Variants in SPATA22 observed in about 807,000 individuals in gnomAD.
SPATA22 encodes the protein spermatogenesis associated 22, also known as spermatogenesis-associated protein 22.
In SPATA22, 29 loss-of-function variants were observed where a neutral mutation model predicts 47.8. The ratio of observed to expected loss-of-function variants is 0.61; its 90% CI spans 0.45 to 0.83. SPATA22 has a LOEUF of 0.83. Ranked by LOEUF, SPATA22 falls within the 40% of genes least tolerant of loss-of-function variation. SPATA22 has a pLI of 0.00. For missense variants in SPATA22, 410 were observed against 421.7 expected (o/e 0.97, Z 0.24); for synonymous variants, 133 against 140.9 (o/e 0.94, Z 0.40).
At chr17:3,465,244 C>T (rs1272184219) in intron 3 of SPATA22, among the ~76,000 whole-genome samples, 2 of 143,614 alleles carry the variant, frequency 1.4e-5, no homozygotes, top group Admixed American at 6.8e-5. Flanking sequence ...AGTGAGGAGC[C>T]CCTCTGCCCG....
chr17:3,509,284 C>T (rs1597458143), intron 1 of SPATA22, among the ~76,000 whole-genome samples: 1 of 151,906 alleles, frequency 6.6e-6, no homozygotes, highest in East Asian at 1.9e-4. Flanking sequence ...CTTTGCTGCA[C>T]CTATTGATCC....
chr17:3,445,671 A>G (rs73297714), intron 7 of SPATA22, among the ~76,000 whole-genome samples: 2,622 of 152,268 alleles, frequency 0.017, 69 homozygotes, highest in African/African-American at 0.06. Context: ...ATTGAATCCA[A>G]TGTCACTTTA....
At chr17:3,464,287 T>A (rs1273839043) in intron 3 of SPATA22, among the ~76,000 whole-genome samples, 1 of 151,496 alleles carries the variant, frequency 6.6e-6, no homozygotes, top group Non-Finnish European at 1.5e-5. Context: ...CAGTGCTCAA[T>A]GGTGCCCAGG....
At chr17:3,478,680 G>A (rs1395938131) in intron 1 of SPATA22, among the ~76,000 whole-genome samples, 1 of 152,146 alleles carries the variant, frequency 6.6e-6, no homozygotes, top group Admixed American at 6.5e-5. Context: ...GCTCCTTACT[G>A]TTAACACTGT....
At chr17:3,442,004 G>A (rs2072608721) in intron 8 of SPATA22, among the ~76,000 whole-genome samples, 1 of 152,026 alleles carries the variant, frequency 6.6e-6, no homozygotes, top group Admixed American at 6.6e-5. Flanking sequence ...AAGACAAGAG[G>A]TAGTGAATGG....
At chr17:3,456,364 A>G (rs1329795983) in intron 5 of SPATA22, among the ~76,000 whole-genome samples, 1 of 149,130 alleles carries the variant, frequency 6.7e-6, no homozygotes, top group African/African-American at 2.5e-5. Context: ...GATAAAGGGG[A>G]TATCACCACC....
intron 1 of SPATA22, chr17:3,489,487 A>G: frequency 3.2e-6 from 2 of 633,198 alleles, no homozygotes; most frequent in Non-Finnish European, 5.6e-6. Flanking sequence ...AATGGCCAGG[A>G]TAGACACATT....
At chr17:3,512,802 T>A (rs1238386165) in intron 1 of SPATA22, 1 of 151,932 alleles carries the variant, frequency 6.6e-6, no homozygotes, top group Non-Finnish European at 1.5e-5. Flanking sequence ...AGCTTCAAAA[T>A]TCACAGTTAA....
chr17:3,489,267 C>G, intron 1 of SPATA22: 2 of 1,612,992 alleles, frequency 1.2e-6, no homozygotes, highest in Non-Finnish European at 1.7e-6. Flanking sequence ...TCAAGGGGTT[C>G]TGAGAGCTGA....
upstream of SPATA22, chr17:3,471,888 C>T (rs1427607157): frequency 5.1e-6 from 5 of 984,754 alleles, no homozygotes; most frequent in Non-Finnish European, 6.0e-6. Flanking sequence ...GGCATCTTCG[C>T]TGCCTGCCTG....
At chr17:3,481,754 G>C (rs1567611129) in intron 1 of SPATA22, 1 of 1,612,888 alleles carries the variant, frequency 6.2e-7, no homozygotes, top group Non-Finnish European at 8.5e-7. Flanking sequence ...TATTCTTGAG[G>C]ATTCCAGGAA....
upstream of SPATA22, chr17:3,476,368 A>G (rs1470172490): frequency 6.2e-7 from 1 of 1,614,146 alleles, no homozygotes; most frequent in East Asian, 2.2e-5. Flanking sequence ...TGTGACCTGA[A>G]TCGCATTTTT....
chr17:3,451,864 T>G (rs973928810), intron 5 of SPATA22, among the ~76,000 whole-genome samples: 4 of 151,082 alleles, frequency 2.6e-5, no homozygotes, highest in Admixed American at 2.6e-4. Flanking sequence ...GAAGAATCAC[T>G]TGAACCTGGG....
chr17:3,469,894 G>A (rs138930552), intron 1 of SPATA22, among the ~76,000 whole-genome samples: 1,768 of 152,176 alleles, frequency 0.012, 11 homozygotes, highest in Non-Finnish European at 0.019. Context: ...AGGAGTTCAA[G>A]ACCAGCCTGG....
Position 3,440,298 on chromosome 17 carries a change from C to A in SPATA22, c.941G>T (p.Arg314Ile). ...TTTCTGGTCATAGTTGCCAACACAT[C>A]TATGAACTCGGCCTCTAATCAGTCT... is the stretch of plus-strand genomic sequence containing the variant. ...LPRLIRGRVH[R>I]CVGNYDQKKN... The change falls in exon 9 of 9, where the codon AGA becomes ATA. Residue 314 changes from arginine (R) to isoleucine (I), a missense_variant. Coordinates refer to ENST00000572969, the MANE Select transcript of SPATA22 (RefSeq NM_001170698.2). 1 of 1,602,452 alleles carries A rather than the reference C, an allele frequency of 6.2e-7. No homozygotes were observed. Among genetic ancestry groups the A allele is most frequent in the Non-Finnish European group, 8.5e-7 (1 of 1,172,762 alleles).
At chr17:3,475,006 A>C (rs2073500359), upstream of SPATA22, among the ~76,000 whole-genome samples, 1 of 152,210 alleles carries the variant, frequency 6.6e-6, no homozygotes, top group Non-Finnish European at 1.5e-5. Flanking sequence ...TATCGTATAA[A>C]ATTAATGTAT....
At chr17:3,507,975 A>T (rs1259984721) in intron 1 of SPATA22, among the ~76,000 whole-genome samples, 1 of 152,174 alleles carries the variant, frequency 6.6e-6, no homozygotes, top group Non-Finnish European at 1.5e-5. Context: ...ACTAACGCCT[A>T]TTAAGCTAGG....
At chr17:3,494,553 C>A in intron 1 of SPATA22, 2 of 1,018,892 alleles carry the variant, frequency 2.0e-6, no homozygotes, top group Non-Finnish European at 3.1e-6. Flanking sequence ...CGTACATTCG[C>A]CCATTTGATG....
intron 1 of SPATA22, among the ~76,000 whole-genome samples, chr17:3,510,007 G>T (rs2074091629): frequency 6.6e-6 from 1 of 152,144 alleles, no homozygotes; most frequent in Non-Finnish European, 1.5e-5. Flanking sequence ...ACTTTTTGAT[G>T]GGGTTGTTTT....
Sources: gnomAD v4.1 joint callset for allele counts (sites outside exome capture counted in the v4.1 genomes callset) on GRCh38, gnomAD v4.1.1 for gene constraint, MANE v1.5 for transcripts, NCBI Gene and HGNC (gene_info 2026-07-23, HGNC 2026-07-21) for gene names.